The following MBOAT4 variants were observed in gnomAD, a reference collection of about 807,000 sequenced individuals.
The protein encoded by MBOAT4 is membrane-bound ghrelin O-acyltransferase MBOAT4.
MBOAT4 carries 11 observed loss-of-function variants against 13.2 expected under a neutral mutation model. That is an observed-to-expected ratio of 0.84 (90% CI 0.53 to 1.38). The LOEUF (loss-of-function observed/expected upper bound fraction) is 1.38, where lower values mean the gene tolerates loss of function less well. Among genes scored for constraint, MBOAT4 ranks in the 40% most tolerant of loss-of-function variants. The pLI is 0.00. For missense variants in MBOAT4, 481 were observed against 527.2 expected (o/e 0.91, Z 0.86); for synonymous variants, 202 against 210.3 (o/e 0.96, Z 0.34).
intron 2 of MBOAT4, chr8:30,137,231 C>T (rs780979113): frequency 1.7e-5 from 25 of 1,453,576 alleles, no homozygotes; most frequent in Non-Finnish European, 2.4e-5. Flanking sequence ...CATGACAACA[C>T]TTCTCTAGAC....
intron 2 of MBOAT4, 62 bp downstream of exon 2, chr8:30,138,470 T>C (rs1034265298): frequency 7.4e-7 from 1 of 1,356,186 alleles, no homozygotes; most frequent in Admixed American, 2.2e-5. Context: ...TTCTCTCTGC[T>C]ACCACCGTGG....
intron 2 of MBOAT4, chr8:30,137,314 T>C: frequency 4.5e-6 from 7 of 1,551,702 alleles, no homozygotes; most frequent in Non-Finnish European, 6.1e-6. Context: ...AACAGCTGAG[T>C]CTGAAGGAAG....
rs1803037731 is a variant in MBOAT4, at chr8:30,132,355, A to G, written c.896T>C (p.Ile299Thr). 2 of 1,551,636 alleles carry G rather than the reference A, an allele frequency of 1.3e-6. No homozygotes were observed. Residue 299 changes from isoleucine (I) to threonine (T), a missense_variant, in exon 3 of 3, where the codon ATA becomes ACA. Ile to Thr is a moderately conservative substitution (Grantham distance 89). Transcript: ENST00000320542. ...GTTCCACTTTCTTGAGAACACAGAT[A>G]TCCTGTGGGTTCTTTCCAGGGTCCA... ...DIWTLERTHR[I>T]SVFSRKWNQS...
At chr8:30,142,379 A>G (rs1050900306) in intron 1 of MBOAT4, among the ~76,000 whole-genome samples, 7 of 152,220 alleles carry the variant, frequency 4.6e-5, no homozygotes, top group African/African-American at 1.7e-4. Context: ...TTTTTTTGAC[A>G]GAGTCTCTCC....
In MBOAT4 at chr8:30,144,615, A is replaced by G. The variant is rs1803319405; in HGVS notation, c.-14T>C. ...AAGCCACTCCATTAGGAACCAGAAC[A>G]AAAGAGCCTGTCTTTTCCAGTGTCC... On this transcript the variant is annotated 5_prime_UTR_variant, in exon 1 of 3. Coordinates refer to ENST00000320542, the MANE Select transcript of MBOAT4 (RefSeq NM_001100916.2). 2 of 1,507,270 alleles carry G rather than the reference A, an allele frequency of 1.3e-6. No homozygotes were observed. The highest frequency in any genetic ancestry group is 1.4e-5 in the African/African-American group (1 of 71,642). The allele number at this position is 1,507,270 out of a possible 1,614,324, so 93.4% of individuals were successfully genotyped here.
rs1327380069 is a variant in MBOAT4 at position 30,132,755 on chromosome 8, A to G, written c.496T>C (p.Phe166Leu). 2 of 1,551,618 alleles carry G rather than the reference A, an allele frequency of 1.3e-6. No homozygotes were observed. The highest frequency in any genetic ancestry group is 2.7e-5 in the African/African-American group (2 of 73,050). Residue 166 changes from phenylalanine to leucine, a missense_variant, in exon 3 of 3, where the codon TTC becomes CTC. Phe to Leu is a conservative substitution (Grantham distance 22). Coordinates refer to ENST00000320542, the MANE Select transcript of MBOAT4 (RefSeq NM_001100916.2). Reference protein sequence around the residue: ...SEHVCKALPYFSYLLFFPALL... With the variant: ...SEHVCKALPYLSYLLFFPALL... ...GCAGGGAAAAAGAGCAAGTAGCTGAAATAGGGCAGTGCCTTACACACATGC... is the reference window on the plus strand; with the variant it reads ...GCAGGGAAAAAGAGCAAGTAGCTGAGATAGGGCAGTGCCTTACACACATGC...
chr8:30,133,352 AATG>A (rs1487015497), intron 2 of MBOAT4, among the ~76,000 whole-genome samples: 3 of 152,216 alleles, frequency 2.0e-5, no homozygotes, highest in Non-Finnish European at 2.9e-5. Context: ...AATTTTTTGT[AATG>A]ATCATGTGTG....
chr8:30,134,540 T>C (rs1803098725), intron 2 of MBOAT4, among the ~76,000 whole-genome samples: 1 of 152,152 alleles, frequency 6.6e-6, no homozygotes, highest in African/African-American at 2.4e-5. Flanking sequence ...TAAGTATCAT[T>C]TTCTTTTTTT....
chr8:30,132,892 A>G lies in MBOAT4; in HGVS notation c.359T>C (p.Leu120Pro), dbSNP rs1196607264. Residue 120 changes from leucine (L) to proline (P), a missense_variant, in exon 3 of 3, where the codon CTT becomes CCT. Coordinates refer to ENST00000320542, the MANE Select transcript of MBOAT4 (RefSeq NM_001100916.2). Reference protein sequence around the residue: ...EPPSVRFCITLSSLMLLTQRV... With the variant: ...EPPSVRFCITPSSLMLLTQRV... ...CTGGGTCAAGAGCATGAGAGAAGAA[A>G]GAGTGATGCAGAACCTGCAAGATAA... 2 of 1,521,514 alleles carry G rather than the reference A, an allele frequency of 1.3e-6. No homozygotes were observed. The highest frequency in any genetic ancestry group is 2.8e-5 in the African/African-American group (2 of 71,188). The allele number at this position is 1,521,514 out of a possible 1,614,324, so 94.3% of individuals were successfully genotyped here.
chr8:30,132,055 A>G lies in MBOAT4; in HGVS notation c.1196T>C (p.Val399Ala). The change falls in exon 3 of 3, where the codon GTC becomes GCC. Residue 399 changes from valine (V) to alanine (A), a missense_variant. By Grantham distance (64) the Val-to-Ala change is moderately conservative. Transcript: ENST00000320542. ...CAACCAGAGAGAGGAGAGACTCCTGACCTCCACAGCCAGCATGATGTAGGC... is the reference window on the plus strand; with the variant it reads ...CAACCAGAGAGAGGAGAGACTCCTGGCCTCCACAGCCAGCATGATGTAGGC... ...IIAYIMLAVE[V>A]RSLSSLWLLC... The G allele has an allele frequency of 6.4e-7, 1 of 1,551,760 alleles. No homozygotes were observed. The highest frequency in any genetic ancestry group is 8.7e-7 in the Non-Finnish European group (1 of 1,147,010).
chr8:30,134,046 GACATC>G (rs985888286), intron 2 of MBOAT4, among the ~76,000 whole-genome samples: 6 of 152,122 alleles, frequency 3.9e-5, no homozygotes, highest in Middle Eastern at 3.2e-3. Flanking sequence ...ACCACAGACT[GACATC>G]ACCCTTGTCA....
intron 2 of MBOAT4, among the ~76,000 whole-genome samples, chr8:30,135,994 G>T (rs975128070): frequency 6.6e-6 from 1 of 151,414 alleles, no homozygotes; most frequent in African/African-American, 2.4e-5. Flanking sequence ...GAAAACAACA[G>T]TCTTCTAACT....
intron 1 of MBOAT4, among the ~76,000 whole-genome samples, chr8:30,141,797 C>G (rs751125971): frequency 6.6e-6 from 1 of 152,194 alleles, no homozygotes; most frequent in African/African-American, 2.4e-5. Flanking sequence ...ATGTGTGTCA[C>G]GGCTCCGGGC....
Position 30,144,614 on chromosome 8 carries a change from C to T in MBOAT4, c.-13G>A. 1 of 1,507,986 alleles carries T rather than the reference C, an allele frequency of 6.6e-7. No homozygotes were observed. Among genetic ancestry groups the T allele is most frequent in the South Asian group, 1.2e-5 (1 of 82,524 alleles). The allele number at this position is 1,507,986 out of a possible 1,614,324, so 93.4% of individuals were successfully genotyped here. On this transcript the variant is annotated 5_prime_UTR_variant, in exon 1 of 3. Coordinates refer to ENST00000320542, the MANE Select transcript of MBOAT4 (RefSeq NM_001100916.2). ...AAAGCCACTCCATTAGGAACCAGAA[C>T]AAAAGAGCCTGTCTTTTCCAGTGTC...
In MBOAT4 at chr8:30,132,691, T is replaced by G; in HGVS notation, c.560A>C (p.Gln187Pro). 6.4e-7 allele frequency: 1 copy of G among 1,551,718 alleles called. No individual in the cohort carries two copies. Among genetic ancestry groups the G allele is most frequent in the South Asian group, 1.2e-5 (1 of 84,058 alleles). ...AGCACTGGACCCTTGAACACGAGCC[T>G]GAAATCGCTGGAAGGAGCACAGAGA... Reference protein sequence around the residue: ...GGSLCSFQRFQARVQGSSALH... With the variant: ...GGSLCSFQRFPARVQGSSALH... The change falls in exon 3 of 3, where the codon CAG becomes CCG. Residue 187 changes from glutamine to proline, a missense_variant. Transcript: ENST00000320542.
intron 1 of MBOAT4, among the ~76,000 whole-genome samples, chr8:30,142,435 A>G (rs1803277145): frequency 6.6e-6 from 1 of 152,144 alleles, no homozygotes; most frequent in African/African-American, 2.4e-5. Context: ...GACTTACTAC[A>G]ACCTCAACCT....
At chr8:30,142,721 G>A (rs1446012622) in intron 1 of MBOAT4, among the ~76,000 whole-genome samples, 1 of 152,028 alleles carries the variant, frequency 6.6e-6, no homozygotes, top group African/African-American at 2.4e-5. Context: ...TTGCACTCAT[G>A]TTGCTTTATT....
At chr8:30,133,630 T>C (rs1295263544) in intron 2 of MBOAT4, among the ~76,000 whole-genome samples, 1 of 151,234 alleles carries the variant, frequency 6.6e-6, no homozygotes. Flanking sequence ...AATTTGAAAG[T>C]TGTGGGAATA....
At chr8:30,137,361 C>T (rs530690685) in intron 2 of MBOAT4, 38 of 1,551,598 alleles carry the variant, frequency 2.4e-5, no homozygotes, top group East Asian at 4.9e-5. Flanking sequence ...TCCCAGCAGC[C>T]GCCATGAGAA....
Sources: gnomAD v4.1 joint callset for allele counts (sites outside exome capture counted in the v4.1 genomes callset) on GRCh38, gnomAD v4.1.1 for gene constraint, MANE v1.5 for transcripts, NCBI Gene and HGNC (gene_info 2026-07-23, HGNC 2026-07-21) for gene names.